Variants in CCDC30 observed in about 807,000 individuals in gnomAD.
The protein encoded by CCDC30 is coiled-coil domain containing 30.
In CCDC30, 70 loss-of-function variants were observed where a neutral mutation model predicts 100.2. The observed-to-expected ratio is 0.70, with a 90% CI of 0.58 to 0.85. CCDC30 has a LOEUF of 0.85. CCDC30 is among the 40% of genes least tolerant of loss of function. CCDC30 has a pLI of 0.00. For missense variants in CCDC30, 652 were observed against 771.2 expected (o/e 0.85, Z 1.83); for synonymous variants, 233 against 269.5 (o/e 0.86, Z 1.33).
intron 6 of CCDC30, among the ~76,000 whole-genome samples, chr1:42,545,067 A>T (rs1645094727): frequency 1.3e-5 from 2 of 151,286 alleles, no homozygotes; most frequent in Admixed American, 1.3e-4. Flanking sequence ...TGATCATGTA[A>T]AACTCTGTAG....
intron 6 of CCDC30, among the ~76,000 whole-genome samples, chr1:42,548,982 CT>C (rs1645196782): frequency 6.6e-6 from 1 of 152,098 alleles, no homozygotes; most frequent in Admixed American, 6.6e-5. Flanking sequence ...TGGGCCGTGT[CT>C]TGTTTTTCTG....
chr1:42,517,403 C>G (rs1026301600), intron 6 of CCDC30, among the ~76,000 whole-genome samples: 2 of 152,118 alleles, frequency 1.3e-5, no homozygotes, highest in Non-Finnish European at 2.9e-5. Flanking sequence ...TTTCCATATT[C>G]AAAAGTTTTT....
chr1:42,494,162 G>A (rs1644191812), intron 4 of CCDC30, among the ~76,000 whole-genome samples: 1 of 152,184 alleles, frequency 6.6e-6, no homozygotes, highest in South Asian at 2.1e-4. Flanking sequence ...AACAGATATA[G>A]ATCAATGGAA....
In CCDC30 at chr1:42,480,648, G is replaced by C. The variant is rs557037198; in HGVS notation, c.15+82G>C. 30 of 980,888 alleles carry C rather than the reference G, an allele frequency of 3.1e-5. No individual in the cohort carries two copies. In the South Asian group the frequency reaches 1.4e-3, roughly 45 times the overall value. 60.8% of individuals were successfully genotyped at this position (980,888 alleles called of 1,614,324 possible). A position where few individuals can be genotyped will look rare whatever the true frequency, so the allele number is the denominator to read the frequency against. On this transcript the variant is annotated intron_variant, in intron 2 of 16. Coordinates refer to ENST00000668663, the Ensembl canonical transcript of CCDC30. Reference sequence around the variant, plus strand: ...ACGTTTCATTTATATATTGAATTTTGTTAAGAAGAAATTGGAACAAATCCA... The same window carrying C: ...ACGTTTCATTTATATATTGAATTTTCTTAAGAAGAAATTGGAACAAATCCA...
At chr1:42,466,804 G>A (rs1283765303) in intron 1 of CCDC30, among the ~76,000 whole-genome samples, 1 of 152,026 alleles carries the variant, frequency 6.6e-6, no homozygotes, top group Middle Eastern at 3.2e-3. Context: ...CATCTGCCTC[G>A]GCCTCCCAAA....
At chr1:42,527,873 T>C (rs1254503683) in intron 6 of CCDC30, among the ~76,000 whole-genome samples, 2 of 152,114 alleles carry the variant, frequency 1.3e-5, no homozygotes, top group Admixed American at 6.6e-5. Flanking sequence ...CTTTCTTTTT[T>C]TATTTTTTTG....
At chr1:42,493,481 C>T (rs753546737) in intron 4 of CCDC30, among the ~76,000 whole-genome samples, 5 of 151,896 alleles carry the variant, frequency 3.3e-5, no homozygotes, top group East Asian at 1.9e-4. Context: ...CCAGCTAACT[C>T]GGGAGGCTGA....
intron 4 of CCDC30, chr1:42,491,807 T>C: frequency 3.0e-6 from 1 of 336,192 alleles, no homozygotes; most frequent in Non-Finnish European, 5.8e-6. Context: ...GAGTGGTTGA[T>C]CCATTTTCTA....
the CCDC30 span, chr1:42,456,495 A>C: frequency 1.4e-6 from 2 of 1,407,548 alleles, no homozygotes; most frequent in South Asian, 1.5e-5. Context: ...CGGCGCGTAC[A>C]CCAGGTAGGC....
At chr1:42,521,921 T>C (rs1644654224) in intron 6 of CCDC30, among the ~76,000 whole-genome samples, 2 of 152,034 alleles carry the variant, frequency 1.3e-5, no homozygotes, top group African/African-American at 4.8e-5. Flanking sequence ...CTTTTTTTAT[T>C]CTTTCACATT....
rs532289436 is a variant in CCDC30, at chr1:42,479,233, G to A, written c.-91-1228G>A. The stretch of plus-strand genomic sequence containing the variant: ...TCTACTAAAAGTACAAAAATTAGCC[G>A]GGCGTGGTTGTGGGTGCCTGTAATC... On this transcript the variant is annotated intron_variant, in intron 1 of 16. Coordinates refer to ENST00000668663, the Ensembl canonical transcript of CCDC30. Among the ~76,000 whole-genome samples the A allele has an allele frequency of 6.6e-4, 100 of 152,180 alleles. 1 individual carries two copies. In the South Asian group the frequency reaches 0.019, roughly 29 times the overall value.
At chr1:42,456,789 C>G in the CCDC30 span, 1 of 1,613,144 alleles carries the variant, frequency 6.2e-7, no homozygotes, top group South Asian at 1.1e-5. Context: ...GCCTTCCTAG[C>G]CGCCGGCTAC....
intron 6 of CCDC30, among the ~76,000 whole-genome samples, chr1:42,555,446 C>G (rs537431771): frequency 2.6e-5 from 4 of 152,278 alleles, no homozygotes; most frequent in Non-Finnish European, 5.9e-5. Context: ...CATTTCTTAT[C>G]CTCATTCATC....
chr1:42,619,771 A>G (rs6673319), intron 11 of CCDC30, among the ~76,000 whole-genome samples: 3,847 of 152,294 alleles, frequency 0.025, 161 homozygotes, highest in African/African-American at 0.088. Flanking sequence ...GGCTGAATTT[A>G]TTCTCTATAG....
At chr1:42,476,690 CAA>C (rs545352046) in intron 1 of CCDC30, among the ~76,000 whole-genome samples, 3 of 108,706 alleles carry the variant, frequency 2.8e-5, no homozygotes, top group African/African-American at 3.4e-5. Flanking sequence ...AACTCCTTCT[CAA>C]AAAAAAAAAA....
intron 7 of CCDC30, among the ~76,000 whole-genome samples, chr1:42,567,950 A>G (rs1645642104): frequency 1.3e-5 from 2 of 151,468 alleles, no homozygotes; most frequent in Admixed American, 6.6e-5. Flanking sequence ...TTTAAAAAAA[A>G]AGAGAGAGAG....
At chr1:42,650,497 ATGTGTGTGTG>A (rs57051349) in intron 15 of CCDC30, among the ~76,000 whole-genome samples, 156 of 136,292 alleles carry the variant, frequency 1.1e-3, no homozygotes, top group African/African-American at 3.5e-3. Flanking sequence ...AAAAATATAT[ATGTGTGTGTG>A]TGTGTGTGTG....
At chr1:42,558,382 CA>C (rs1645416875) in intron 6 of CCDC30, 1 of 153,072 alleles carries the variant, frequency 6.5e-6, no homozygotes, top group Non-Finnish European at 1.5e-5. Flanking sequence ...ATGTTGTTTG[CA>C]GATGGAAAAT....
At chr1:42,614,173 TG>T (rs1435563346) in intron 11 of CCDC30, among the ~76,000 whole-genome samples, 19 of 150,628 alleles carry the variant, frequency 1.3e-4, no homozygotes, top group Non-Finnish European at 1.9e-4. Flanking sequence ...CTCCACCTCC[TG>T]GGTTCACGCC....
Sources: gnomAD v4.1 joint callset for allele counts (sites outside exome capture counted in the v4.1 genomes callset) on GRCh38, gnomAD v4.1.1 for gene constraint, MANE v1.5 for transcripts, NCBI Gene and HGNC (gene_info 2026-07-23, HGNC 2026-07-21) for gene names.